ESRRG: variants seen among roughly 807,000 people sequenced by gnomAD.
ESRRG encodes estrogen-related receptor gamma.
A neutral mutation model predicts 44.0 loss-of-function variants in ESRRG; 13 were observed. That is an observed-to-expected ratio of 0.30 (90% CI 0.19 to 0.47). The LOEUF is 0.47. Ranked by LOEUF, ESRRG falls within the 20% of genes least tolerant of loss-of-function variation. ESRRG has a pLI of 1.00. For synonymous variants in ESRRG, 215 were observed against 214.6 expected (o/e 1.00, Z -0.02); for missense variants, 395 against 580.6 (o/e 0.68, Z 3.29).
intron 1 of ESRRG, among the ~76,000 whole-genome samples, chr1:217,122,684 T>C (rs896119173): frequency 2.7e-5 from 4 of 149,420 alleles, no homozygotes; most frequent in African/African-American, 9.9e-5. Flanking sequence ...TTTTTTTTTT[T>C]TTTGAGACAG....
At chr1:216,688,741 G>C (rs1038260492) in intron 1 of ESRRG, among the ~76,000 whole-genome samples, 2 of 152,154 alleles carry the variant, frequency 1.3e-5, no homozygotes, top group Non-Finnish European at 2.9e-5. Flanking sequence ...GGACATGAAA[G>C]CAGAGGTTGT....
At chr1:216,812,253 T>C (rs2148483019) in intron 2 of ESRRG, among the ~76,000 whole-genome samples, 1 of 152,342 alleles carries the variant, frequency 6.6e-6, no homozygotes, top group South Asian at 2.1e-4. Context: ...TGTCTGTTTT[T>C]AACATATTTC....
At chr1:216,618,047 A>C (rs1407273428) in intron 3 of ESRRG, among the ~76,000 whole-genome samples, 2 of 152,198 alleles carry the variant, frequency 1.3e-5, no homozygotes, top group African/African-American at 4.8e-5. Flanking sequence ...TAACCATCAA[A>C]AAATTCATTG....
intron 2 of ESRRG, among the ~76,000 whole-genome samples, chr1:216,816,665 C>A (rs2095148132): frequency 6.6e-6 from 1 of 152,124 alleles, no homozygotes; most frequent in South Asian, 2.1e-4. Flanking sequence ...TCAATATTTG[C>A]ACATTTAAAA....
intron 5 of ESRRG, among the ~76,000 whole-genome samples, chr1:216,523,242 G>A (rs2046614182): frequency 6.6e-6 from 1 of 152,030 alleles, no homozygotes; most frequent in Non-Finnish European, 1.5e-5. Context: ...CAGGCATTTT[G>A]CTTGCAGAAT....
intron 1 of ESRRG, among the ~76,000 whole-genome samples, chr1:217,129,282 CAGTGAA>C (rs1419774228): frequency 6.6e-6 from 1 of 152,086 alleles, no homozygotes; most frequent in African/African-American, 2.4e-5. Context: ...ATCGAAACAA[CAGTGAA>C]TTACCACTTA....
At chr1:217,005,926 A>G (rs2077683844) in intron 1 of ESRRG, among the ~76,000 whole-genome samples, 1 of 152,144 alleles carries the variant, frequency 6.6e-6, no homozygotes, top group Non-Finnish European at 1.5e-5. Context: ...TGGATATTTT[A>G]TCCCAACTAT....
At chr1:216,763,996 T>C (rs777635661) in intron 2 of ESRRG, among the ~76,000 whole-genome samples, 12 of 152,094 alleles carry the variant, frequency 7.9e-5, no homozygotes, top group Non-Finnish European at 2.9e-5. Flanking sequence ...CAGATTGAAA[T>C]AAATGCTGAG....
intron 1 of ESRRG, among the ~76,000 whole-genome samples, chr1:216,705,792 G>C (rs951432556): frequency 6.6e-5 from 10 of 152,042 alleles, no homozygotes; most frequent in South Asian, 2.1e-4. Flanking sequence ...TTTTCAGCCC[G>C]AATGTTCCTC....
intron 2 of ESRRG, among the ~76,000 whole-genome samples, chr1:216,797,133 A>T (rs1447844025): frequency 2.0e-5 from 3 of 151,980 alleles, no homozygotes; most frequent in Non-Finnish European, 4.4e-5. Context: ...CTCATGACCC[A>T]CCTGCCTTGG....
At chr1:216,810,594 T>A (rs2094937734) in intron 2 of ESRRG, among the ~76,000 whole-genome samples, 1 of 147,556 alleles carries the variant, frequency 6.8e-6, no homozygotes, top group African/African-American at 2.5e-5. Context: ...ATTATATATA[T>A]AATATATATA....
intron 2 of ESRRG, among the ~76,000 whole-genome samples, chr1:216,738,608 T>C (rs1239995557): frequency 2.0e-5 from 3 of 151,918 alleles, no homozygotes; most frequent in Admixed American, 6.6e-5. Context: ...TAACAGAAAA[T>C]AACAGTCAAA....
At chr1:217,114,999 G>C (rs887912788) in intron 1 of ESRRG, among the ~76,000 whole-genome samples, 3 of 152,062 alleles carry the variant, frequency 2.0e-5, no homozygotes, top group East Asian at 3.9e-4. Context: ...CTCTCTGGAG[G>C]GATCTGCTTT....
At chr1:216,548,178 C>T (rs899049501) in intron 5 of ESRRG, among the ~76,000 whole-genome samples, 1 of 152,022 alleles carries the variant, frequency 6.6e-6, no homozygotes, top group African/African-American at 2.4e-5. Context: ...CTTTTGTAAA[C>T]TTTGGCTCAT....
At chr1:216,713,898 C>G (rs535476948) in intron 1 of ESRRG, among the ~76,000 whole-genome samples, 1 of 152,142 alleles carries the variant, frequency 6.6e-6, no homozygotes, top group Non-Finnish European at 1.5e-5. Flanking sequence ...ATCAGCATTT[C>G]GAAAAGCTCT....
intron 1 of ESRRG, among the ~76,000 whole-genome samples, chr1:217,057,366 A>G (rs1370574484): frequency 6.6e-6 from 1 of 152,224 alleles, no homozygotes; most frequent in Admixed American, 6.5e-5. Flanking sequence ...AATAGTATCA[A>G]GGTCAAGGTC....
intron 2 of ESRRG, among the ~76,000 whole-genome samples, chr1:216,925,645 G>T (rs763366740): frequency 6.6e-6 from 1 of 151,754 alleles, no homozygotes; most frequent in Non-Finnish European, 1.5e-5. Flanking sequence ...TTCTTTTCCT[G>T]GTTTATTCAA....
At chr1:217,113,109 G>A (rs2092677988) in intron 1 of ESRRG, among the ~76,000 whole-genome samples, 1 of 152,204 alleles carries the variant, frequency 6.6e-6, no homozygotes, top group Non-Finnish European at 1.5e-5. Flanking sequence ...AAAATGAAAA[G>A]AGGGCAGACT....
intron 1 of ESRRG, among the ~76,000 whole-genome samples, chr1:217,087,115 G>T (rs139554621): frequency 6.6e-6 from 1 of 152,198 alleles, no homozygotes; most frequent in Non-Finnish European, 1.5e-5. Context: ...GAAGAAAAAA[G>T]AGACACTTAG....
Sources: gnomAD v4.1 joint callset for allele counts (sites outside exome capture counted in the v4.1 genomes callset) on GRCh38, gnomAD v4.1.1 for gene constraint, MANE v1.5 for transcripts, NCBI Gene and HGNC (gene_info 2026-07-23, HGNC 2026-07-21) for gene names.